The following NXPH2 variants were observed in gnomAD, a reference collection of about 807,000 sequenced individuals.
NXPH2 encodes the protein neurexophilin-2.
A neutral mutation model predicts 19.8 loss-of-function variants in NXPH2; 5 were observed. The ratio of observed to expected loss-of-function variants is 0.25; its 90% CI spans 0.13 to 0.53. NXPH2 has a LOEUF of 0.53. Among genes scored for constraint, NXPH2 ranks in the 20% least tolerant of loss-of-function variants. The pLI, the probability that NXPH2 is intolerant of heterozygous loss-of-function variation, is 0.96. For synonymous variants in NXPH2, 154 were observed against 127.4 expected, an observed-to-expected ratio of 1.21 and a Z score of -1.41; for missense variants, 289 against 322.8, an observed-to-expected ratio of 0.90 and a Z score of 0.80.
At chr2:138,768,657 CTGCCCCATT>C (rs2104842922) in intron 1 of NXPH2, among the ~76,000 whole-genome samples, 1 of 152,314 alleles carries the variant, frequency 6.6e-6, no homozygotes, top group South Asian at 2.1e-4. Flanking sequence ...TTTCTGTGAG[CTGCCCCATT>C]TTAATAATTT....
intron 1 of NXPH2, among the ~76,000 whole-genome samples, chr2:138,685,115 G>C (rs986662125): frequency 6.6e-6 from 1 of 152,132 alleles, no homozygotes; most frequent in Non-Finnish European, 1.5e-5. Flanking sequence ...TTGATTATTG[G>C]GGTTGGCCTT....
chr2:138,724,453 T>A lies in NXPH2; in HGVS notation c.52-52788A>T, dbSNP rs75298209. Among the ~76,000 whole-genome samples the A allele has an allele frequency of 8.7e-4, 132 of 152,244 alleles. 1 individual carries two copies. The East Asian group carries it at 0.021, about 24-fold the overall frequency. On this transcript the variant is annotated intron_variant, in intron 1 of 1. Coordinates refer to ENST00000272641, the MANE Select transcript of NXPH2 (RefSeq NM_007226.3). ...ACTGCTGTCAAATGGGGTGATTGTA[T>A]GTGTGTGTGTGCATGCTTGTGTGCT...
chr2:138,712,086 C>T (rs1681115326), intron 1 of NXPH2, among the ~76,000 whole-genome samples: 1 of 152,184 alleles, frequency 6.6e-6, no homozygotes, highest in African/African-American at 2.4e-5. Context: ...TTGAGCAGCA[C>T]ATCCTGGGCA....
intron 1 of NXPH2, among the ~76,000 whole-genome samples, chr2:138,717,826 C>T (rs1293847364): frequency 6.6e-6 from 1 of 151,986 alleles, no homozygotes; most frequent in East Asian, 1.9e-4. Context: ...AAATATTATC[C>T]TTAGAAAGAT....
chr2:138,712,937 C>T (rs2104988878), intron 1 of NXPH2, among the ~76,000 whole-genome samples: 1 of 152,332 alleles, frequency 6.6e-6, no homozygotes, highest in Admixed American at 6.5e-5. Flanking sequence ...TGATAAATTC[C>T]TTCCAATTCT....
chr2:138,744,002 C>CAAAAAAAA (rs35072611), intron 1 of NXPH2, among the ~76,000 whole-genome samples: 4 of 85,764 alleles, frequency 4.7e-5, no homozygotes, highest in Non-Finnish European at 6.3e-5. Flanking sequence ...GACTCCATCT[C>CAAAAAAAA]AAAAAAAAAA....
At chr2:138,776,526 T>A (rs1190200444) in intron 1 of NXPH2, among the ~76,000 whole-genome samples, 1 of 151,958 alleles carries the variant, frequency 6.6e-6, no homozygotes, top group African/African-American at 2.4e-5. Flanking sequence ...TTAATTTTCA[T>A]TTTTTAAAGT....
rs1354362667 is a variant in NXPH2, at chr2:138,716,294, C to T, written c.52-44629G>A. Among the ~76,000 whole-genome samples the T allele has an allele frequency of 2.0e-5, 3 of 152,086 alleles. No homozygotes were observed. In the East Asian group the frequency reaches 5.8e-4, roughly 29 times the overall value. On this transcript the variant is annotated intron_variant, in intron 1 of 1. Transcript: ENST00000272641. ...CCATAAAATGGATGGTAGTAGGAGA[C>T]CGGGCCTCGGGGAGGAAACTAGGTT...
At chr2:138,727,492 A>C (rs1272070112) in intron 1 of NXPH2, among the ~76,000 whole-genome samples, 2 of 151,956 alleles carry the variant, frequency 1.3e-5, no homozygotes, top group Non-Finnish European at 2.9e-5. Context: ...TTTCCTAATG[A>C]CATATGGTAT....
At chr2:138,713,215 A>G (rs1383685285) in intron 1 of NXPH2, among the ~76,000 whole-genome samples, 1 of 152,188 alleles carries the variant, frequency 6.6e-6, no homozygotes, top group African/African-American at 2.4e-5. Context: ...GGCTCCTGCC[A>G]GCTGCCCTTT....
chr2:138,685,690 T>G (rs1184677099), intron 1 of NXPH2, among the ~76,000 whole-genome samples: 1 of 152,202 alleles, frequency 6.6e-6, no homozygotes, highest in South Asian at 2.1e-4. Context: ...TTTATTGATG[T>G]TCTACTAAAT....
At chr2:138,724,771 A>T (rs1681333729) in intron 1 of NXPH2, among the ~76,000 whole-genome samples, 1 of 152,246 alleles carries the variant, frequency 6.6e-6, no homozygotes, top group Admixed American at 6.5e-5. Context: ...GTAGCTCAAG[A>T]AGATAAATGT....
intron 1 of NXPH2, among the ~76,000 whole-genome samples, chr2:138,711,998 A>C (rs1681114516): frequency 6.6e-6 from 1 of 152,184 alleles, no homozygotes; most frequent in Admixed American, 6.5e-5. Flanking sequence ...GCTGGCTGCC[A>C]AGTGGTTTCA....
chr2:138,737,970 G>C (rs979411228), intron 1 of NXPH2, among the ~76,000 whole-genome samples: 25 of 151,754 alleles, frequency 1.6e-4, no homozygotes, highest in Middle Eastern at 3.4e-3. Flanking sequence ...ACAACGTGCA[G>C]GTTAGTTACA....
intron 1 of NXPH2, among the ~76,000 whole-genome samples, chr2:138,748,872 C>T (rs762464253): frequency 6.6e-6 from 1 of 152,016 alleles, no homozygotes; most frequent in Admixed American, 6.6e-5. Context: ...GATCAGCAAG[C>T]GTAAGGGATG....
intron 1 of NXPH2, among the ~76,000 whole-genome samples, chr2:138,696,985 G>A (rs1485452281): frequency 6.6e-6 from 1 of 151,904 alleles, no homozygotes; most frequent in Non-Finnish European, 1.5e-5. Context: ...AACATAAGTA[G>A]GTAATTTCAT....
intron 1 of NXPH2, among the ~76,000 whole-genome samples, chr2:138,776,150 G>T (rs530472216): frequency 6.6e-6 from 1 of 152,178 alleles, no homozygotes; most frequent in African/African-American, 2.4e-5. Context: ...ATAGATAAAA[G>T]GTGGGCGGTG....
chr2:138,729,705 C>G (rs139550707), intron 1 of NXPH2, among the ~76,000 whole-genome samples: 18 of 152,324 alleles, frequency 1.2e-4, no homozygotes, highest in African/African-American at 3.4e-4. Flanking sequence ...TGGAAGCACA[C>G]CATTTCTGAG....
chr2:138,708,847 C>A (rs1282931407), intron 1 of NXPH2, among the ~76,000 whole-genome samples: 2 of 152,130 alleles, frequency 1.3e-5, no homozygotes, highest in Non-Finnish European at 2.9e-5. Flanking sequence ...CTGATTTAGA[C>A]AACAAAAGCT....
Sources: gnomAD v4.1 joint callset for allele counts (sites outside exome capture counted in the v4.1 genomes callset) on GRCh38, gnomAD v4.1.1 for gene constraint, MANE v1.5 for transcripts, NCBI Gene and HGNC (gene_info 2026-07-23, HGNC 2026-07-21) for gene names.